FOXP1: variants seen among roughly 807,000 people sequenced by gnomAD.
The protein encoded by FOXP1 is forkhead box P1, also known as forkhead box protein P1.
FOXP1 carries 15 observed loss-of-function variants against 98.2 expected under a neutral mutation model. The ratio of observed to expected loss-of-function variants is 0.15; its 90% CI spans 0.10 to 0.24. The LOEUF is 0.24. Ranked by LOEUF, FOXP1 falls within the 10% of genes least tolerant of loss-of-function variation. The probability of loss-of-function intolerance (pLI) is 1.00; values close to 1 mark genes in which losing one functional copy is unlikely to be tolerated. For missense variants in FOXP1, 633 were observed against 848.5 expected, an observed-to-expected ratio of 0.75 and a Z score of 3.15; for synonymous variants, 371 against 314.5, an observed-to-expected ratio of 1.18 and a Z score of -1.90.
At chr3:71,471,663 A>T (rs550945765) in intron 3 of FOXP1, among the ~76,000 whole-genome samples, 1 of 152,310 alleles carries the variant, frequency 6.6e-6, no homozygotes, top group East Asian at 1.9e-4. Flanking sequence ...CTCAAGTGAT[A>T]GAAAAGAAAA....
intron 5 of FOXP1, among the ~76,000 whole-genome samples, chr3:71,208,759 G>C (rs2064237660): frequency 6.6e-6 from 1 of 152,172 alleles, no homozygotes; most frequent in Admixed American, 6.5e-5. Context: ...GGTGACAGCA[G>C]GGGCAGGGCT....
chr3:71,154,696 T>C (rs1560032527), intron 6 of FOXP1, among the ~76,000 whole-genome samples: 1 of 152,188 alleles, frequency 6.6e-6, no homozygotes, highest in Non-Finnish European at 1.5e-5. Context: ...CCTCAGTCAC[T>C]GCAGCTATTA....
At chr3:71,431,836 G>C (rs745953179) in intron 3 of FOXP1, among the ~76,000 whole-genome samples, 1 of 152,062 alleles carries the variant, frequency 6.6e-6, no homozygotes, top group African/African-American at 2.4e-5. Context: ...TTCTTTCCAG[G>C]TATTTATTCT....
chr3:70,978,158 C>A, intron 14 of FOXP1, 129 bp from the exon 15 acceptor site: 2 of 756,410 alleles, frequency 2.6e-6, no homozygotes, highest in Non-Finnish European at 2.3e-6. Context: ...GGTATGTTTA[C>A]CATGAACCGA....
intron 5 of FOXP1, among the ~76,000 whole-genome samples, chr3:71,282,640 G>A (rs901691261): frequency 1.3e-5 from 2 of 152,044 alleles, no homozygotes; most frequent in African/African-American, 4.8e-5. Flanking sequence ...CAAGAAATCT[G>A]GTTACTTCCT....
At chr3:71,498,783 C>G in intron 2 of FOXP1, among the ~76,000 whole-genome samples, 1 of 152,180 alleles carries the variant, frequency 6.6e-6, no homozygotes, top group Non-Finnish European at 1.5e-5. Context: ...ACACAGATTG[C>G]TGGGCCTCTC....
At chr3:71,546,284 C>A (rs1325628207) in intron 2 of FOXP1, among the ~76,000 whole-genome samples, 2 of 152,080 alleles carry the variant, frequency 1.3e-5, no homozygotes, top group Non-Finnish European at 2.9e-5. Context: ...GGCCAAGCAG[C>A]CAAGGCTAAA....
At chr3:71,255,550 T>A (rs1472920823) in intron 5 of FOXP1, among the ~76,000 whole-genome samples, 4 of 152,222 alleles carry the variant, frequency 2.6e-5, no homozygotes, top group African/African-American at 4.8e-5. Context: ...GGTCATTTAC[T>A]GGTTGAGCTC....
intron 7 of FOXP1, among the ~76,000 whole-genome samples, chr3:71,064,260 TATAGAAACA>T (rs2107316788): frequency 6.6e-6 from 1 of 152,238 alleles, no homozygotes; most frequent in Non-Finnish European, 1.5e-5. Context: ...CCTAGACAGA[TATAGAAACA>T]AACTATCAGA....
chr3:71,077,996 C>T (rs887879846), intron 7 of FOXP1, among the ~76,000 whole-genome samples: 8 of 152,130 alleles, frequency 5.3e-5, no homozygotes, highest in East Asian at 1.9e-4. Flanking sequence ...TCACGCTTGG[C>T]TAATTTTGTA....
chr3:71,498,522 T>C (rs1250109588), intron 2 of FOXP1, among the ~76,000 whole-genome samples: 1 of 152,210 alleles, frequency 6.6e-6, no homozygotes, highest in Non-Finnish European at 1.5e-5. Context: ...TGAACTGCAC[T>C]GGGTATTGGC....
At chr3:71,577,371 A>C (rs1419445042) in intron 2 of FOXP1, among the ~76,000 whole-genome samples, 1 of 152,140 alleles carries the variant, frequency 6.6e-6, no homozygotes, top group Non-Finnish European at 1.5e-5. Context: ...TAGCGACACA[A>C]GCCAAATCTG....
intron 20 of FOXP1, among the ~76,000 whole-genome samples, chr3:70,961,003 C>A (rs1473379498): frequency 4.6e-5 from 7 of 151,848 alleles, no homozygotes; most frequent in African/African-American, 7.3e-5. Flanking sequence ...CCACCGCGCC[C>A]GGCTAAATTT....
chr3:71,160,478 C>T (rs1204970244), intron 6 of FOXP1, among the ~76,000 whole-genome samples: 1 of 152,218 alleles, frequency 6.6e-6, no homozygotes, highest in Non-Finnish European at 1.5e-5. Flanking sequence ...TTGTGAAAAT[C>T]AAGTGATAAA....
intron 4 of FOXP1, among the ~76,000 whole-genome samples, chr3:71,341,254 A>G (rs1460244017): frequency 1.3e-5 from 2 of 152,200 alleles, no homozygotes; most frequent in Non-Finnish European, 2.9e-5. Flanking sequence ...ATTTAAAAGT[A>G]TGTTATCCAA....
chr3:71,304,981 T>TCC (rs2074154394), intron 4 of FOXP1, among the ~76,000 whole-genome samples: 1 of 152,152 alleles, frequency 6.6e-6, no homozygotes, highest in Admixed American at 6.5e-5. Context: ...GGACATATCT[T>TCC]CCTTGGATGG....
intron 7 of FOXP1, among the ~76,000 whole-genome samples, chr3:71,098,481 T>G (rs2056672727): frequency 6.6e-6 from 1 of 152,210 alleles, no homozygotes; most frequent in Non-Finnish European, 1.5e-5. Flanking sequence ...ATGAAAGATT[T>G]AGGCAGGACT....
At chr3:70,961,576 G>C (rs1305650992) in intron 20 of FOXP1, among the ~76,000 whole-genome samples, 1 of 152,172 alleles carries the variant, frequency 6.6e-6, no homozygotes, top group African/African-American at 2.4e-5. Context: ...GTGCAAGGAA[G>C]GCTGCATGGG....
At chr3:71,291,967 A>C (rs1330048994) in intron 5 of FOXP1, among the ~76,000 whole-genome samples, 1 of 152,062 alleles carries the variant, frequency 6.6e-6, no homozygotes, top group Non-Finnish European at 1.5e-5. Context: ...GGCCTCCCAA[A>C]GTGCTGGGAT....
Sources: gnomAD v4.1 joint callset for allele counts (sites outside exome capture counted in the v4.1 genomes callset) on GRCh38, gnomAD v4.1.1 for gene constraint, MANE v1.5 for transcripts, NCBI Gene and HGNC (gene_info 2026-07-23, HGNC 2026-07-21) for gene names.